The following PCDH15 variants were observed in gnomAD, a reference collection of about 807,000 sequenced individuals.
The protein encoded by PCDH15 is protocadherin related 15.
Under a neutral mutation model 178.5 loss-of-function variants are expected in PCDH15, and 129 were observed. That is an observed-to-expected ratio of 0.72 (90% CI 0.63 to 0.84). The LOEUF is 0.84. PCDH15 is among the 40% of genes least tolerant of loss of function. The pLI is 0.00. For synonymous variants in PCDH15, 800 were observed against 732.0 expected (o/e 1.09, Z -1.50); for missense variants, 2,230 against 2,099.9 (o/e 1.06, Z -1.21).
chr10:55,565,928 C>T (rs1462502384), intron 2 of PCDH15, among the ~76,000 whole-genome samples: 1 of 151,602 alleles, frequency 6.6e-6, no homozygotes, highest in Non-Finnish European at 1.5e-5. Context: ...TAGCATCAAT[C>T]TTTTTCAAAC....
At chr10:53,976,790 C>T (rs545539050) in intron 21 of PCDH15, among the ~76,000 whole-genome samples, 17 of 152,028 alleles carry the variant, frequency 1.1e-4, no homozygotes, top group South Asian at 2.1e-4. Flanking sequence ...GTGATATTTA[C>T]GGTGTCTTTT....
chr10:53,983,989 A>C (rs1283036967), intron 21 of PCDH15, among the ~76,000 whole-genome samples: 2 of 152,028 alleles, frequency 1.3e-5, no homozygotes, highest in South Asian at 2.1e-4. Context: ...TTCTTTTGTT[A>C]CGTGACTTTA....
At chr10:54,941,071 C>A (rs912995278) in intron 2 of PCDH15, among the ~76,000 whole-genome samples, 3 of 151,826 alleles carry the variant, frequency 2.0e-5, no homozygotes, top group Non-Finnish European at 4.4e-5. Flanking sequence ...TTTCTGTATG[C>A]TTTTTTGGGT....
At chr10:54,831,106 T>A (rs997497891) in intron 3 of PCDH15, among the ~76,000 whole-genome samples, 1 of 152,084 alleles carries the variant, frequency 6.6e-6, no homozygotes, top group African/African-American at 2.4e-5. Context: ...TTTAATAAAT[T>A]CTAATAAATA....
intron 11 of PCDH15, among the ~76,000 whole-genome samples, chr10:54,186,306 T>C (rs1271541977): frequency 6.6e-6 from 1 of 152,002 alleles, no homozygotes; most frequent in South Asian, 2.1e-4. Flanking sequence ...TGTCAAGGAC[T>C]GAGGCAAGAG....
intron 2 of PCDH15, among the ~76,000 whole-genome samples, chr10:55,531,989 A>AT (rs553753804): frequency 1.5e-4 from 23 of 151,916 alleles, no homozygotes; most frequent in African/African-American, 3.6e-4. Context: ...GAATAAATAG[A>AT]TTTTTTTTAT....
intron 2 of PCDH15, among the ~76,000 whole-genome samples, chr10:55,024,783 C>T (rs1462479965): frequency 6.6e-6 from 1 of 152,068 alleles, no homozygotes. Flanking sequence ...AGTGTGATCC[C>T]CTCCTGCCAT....
intron 3 of PCDH15, among the ~76,000 whole-genome samples, chr10:54,516,403 C>T (rs1448899848): frequency 5.3e-5 from 8 of 151,850 alleles, no homozygotes; most frequent in East Asian, 1.9e-4. Flanking sequence ...TCGAGAACTA[C>T]GTGAAGAATG....
In PCDH15 at chr10:54,247,353, T is replaced by A. The variant is rs114787866; in HGVS notation, c.877-10422A>T. Among the ~76,000 whole-genome samples the A allele has an allele frequency of 9.0e-3, 1,374 of 152,138 alleles. 23 individuals are homozygous for A. Among genetic ancestry groups the A allele is most frequent in the African/African-American group, 0.031 (1,301 of 41,564 alleles). ...GAAGGTCTATTTTCTTTTATATCTGTAGGACCAGACAGTACATATGGCACA... is the reference window on the plus strand; with the variant it reads ...GAAGGTCTATTTTCTTTTATATCTGAAGGACCAGACAGTACATATGGCACA... On this transcript the variant is annotated intron_variant, in intron 8 of 37. Coordinates refer to ENST00000644397, the MANE Select transcript of PCDH15 (RefSeq NM_001384140.1).
chr10:54,254,691 T>A (rs2056764476), intron 8 of PCDH15, among the ~76,000 whole-genome samples: 1 of 152,184 alleles, frequency 6.6e-6, no homozygotes, highest in South Asian at 2.1e-4. Context: ...ATGTTTGAAA[T>A]TATCATGACC....
intron 15 of PCDH15, among the ~76,000 whole-genome samples, chr10:54,115,689 C>G (rs779393747): frequency 1.9e-4 from 29 of 152,182 alleles, no homozygotes; most frequent in South Asian, 6.2e-4. Context: ...TTTAACTTCT[C>G]CATACATACA....
chr10:55,568,083 G>C lies in PCDH15; in HGVS notation c.-156+59542C>G, dbSNP rs114259141. Among the ~76,000 whole-genome samples the C allele has an allele frequency of 9.8e-3, 1,484 of 151,990 alleles. 32 individuals carry two copies. The highest frequency in any genetic ancestry group is 0.034 in the African/African-American group (1,420 of 41,484). On this transcript the variant is annotated intron_variant, in intron 2 of 5. Coordinates refer to the PCDH15 transcript ENST00000613346. ...TCCATTTCTAGGTATGTACCCAATA[G>C]TTTCTTAAATATGTATTTTATACCC...
chr10:54,627,643 T>G (rs529224074), intron 2 of PCDH15, among the ~76,000 whole-genome samples: 21 of 152,296 alleles, frequency 1.4e-4, no homozygotes, highest in African/African-American at 5.1e-4. Flanking sequence ...AGTGTGAAAA[T>G]GGACTAATAC....
chr10:55,164,040 G>C (rs1223584470), intron 2 of PCDH15, among the ~76,000 whole-genome samples: 1 of 152,066 alleles, frequency 6.6e-6, no homozygotes, highest in Non-Finnish European at 1.5e-5. Flanking sequence ...ACCCCTTTCC[G>C]GTTACATAAC....
intron 5 of PCDH15, among the ~76,000 whole-genome samples, chr10:54,347,349 C>G (rs147145289): frequency 3.3e-5 from 5 of 152,050 alleles, no homozygotes; most frequent in Non-Finnish European, 7.4e-5. Context: ...GCATTACACA[C>G]GCCACATCAG....
rs1191904420 is a variant in PCDH15, at chr10:53,866,711, G to C, written c.3648C>G (p.Ser1216=). ...TTGCAATAACTTGAAACTTGAAGTA[G>C]GATCTCCTCATATTATGGAAGAGCA... The part of the protein sequence containing the change: ...TAMLFHNMRR[S]YFKFQVIATD... The change falls in exon 27 of 38, where the codon TCC becomes TCG. Residue 1216 remains serine (S), a synonymous_variant. Transcript: ENST00000644397. 6.2e-7 allele frequency: 1 copy of C among 1,613,522 alleles called. No homozygotes were observed.
At chr10:55,189,677 C>T (rs1280593203) in intron 1 of PCDH15, among the ~76,000 whole-genome samples, 7 of 151,774 alleles carry the variant, frequency 4.6e-5, no homozygotes. Flanking sequence ...CTTTATATCT[C>T]AGAGCATGAG....
At chr10:53,995,197 A>AACTTT (rs2091768673) in intron 21 of PCDH15, 2 of 168,614 alleles carry the variant, frequency 1.2e-5, no homozygotes, top group African/African-American at 4.8e-5. Flanking sequence ...AAAGAATGTT[A>AACTTT]ACTATTTTCT....
intron 2 of PCDH15, among the ~76,000 whole-genome samples, chr10:55,094,517 T>C (rs966400084): frequency 6.6e-6 from 1 of 151,994 alleles, no homozygotes; most frequent in Non-Finnish European, 1.5e-5. Flanking sequence ...GTTATGCACA[T>C]GTACCCTAGA....
Sources: gnomAD v4.1 joint callset for allele counts (sites outside exome capture counted in the v4.1 genomes callset) on GRCh38, gnomAD v4.1.1 for gene constraint, MANE v1.5 for transcripts, NCBI Gene and HGNC (gene_info 2026-07-23, HGNC 2026-07-21) for gene names.